The following EML5 variants were observed in gnomAD, a reference collection of about 807,000 sequenced individuals.
The protein encoded by EML5 is echinoderm microtubule-associated protein-like 5.
Under a neutral mutation model 250.0 loss-of-function variants are expected in EML5, and 120 were observed. That is an observed-to-expected ratio of 0.48 (90% CI 0.41 to 0.56). EML5 has a LOEUF of 0.56. Ranked by LOEUF, EML5 falls within the 20% of genes least tolerant of loss-of-function variation. EML5 has a pLI of 0.00. For missense variants in EML5, 2,006 were observed against 2,437.6 expected, an observed-to-expected ratio of 0.82 and a Z score of 3.73; for synonymous variants, 771 against 806.5, an observed-to-expected ratio of 0.96 and a Z score of 0.75.
Position 88,616,778 on chromosome 14 carries a change from C to G in EML5, c.5744G>C (p.Gly1915Ala). 1 of 1,613,918 alleles carries G rather than the reference C, an allele frequency of 6.2e-7. No individual in the cohort carries two copies. The highest frequency in any genetic ancestry group is 8.5e-7 in the Non-Finnish European group (1 of 1,179,856). ...TAACTTAACCATGCCAAAGTCATCT[C>G]CTGTAACAAGACTGATTCCTGAATG... ...VSHSGISLVTGDDFGMVKLFD... is the reference protein window; with the variant it reads ...VSHSGISLVTADDFGMVKLFD... Residue 1915 changes from glycine to alanine, a missense_variant, in exon 42 of 44, where the codon GGA (glycine) becomes GCA (alanine). Coordinates refer to ENST00000554922, the MANE Select transcript of EML5 (RefSeq NM_183387.3).
chr14:88,743,009 G>GT lies in EML5; in HGVS notation c.525+1013dup, dbSNP rs538873569. Among the ~76,000 whole-genome samples, 22 of 152,176 alleles carry GT rather than the reference G, an allele frequency of 1.4e-4. No individual in the cohort carries two copies. In the East Asian group the frequency reaches 2.7e-3, roughly 19 times the overall value. ...TCCAATTTGTTCCAATGATTTAAAA[G>GT]TAACTATAAACATAATAATGAATAT... On this transcript the variant is annotated intron_variant, in intron 4 of 43. Coordinates refer to ENST00000554922, the MANE Select transcript of EML5 (RefSeq NM_183387.3).
chr14:88,691,365 T>C (rs578211651), intron 17 of EML5, among the ~76,000 whole-genome samples: 1 of 152,308 alleles, frequency 6.6e-6, no homozygotes, highest in East Asian at 1.9e-4. Flanking sequence ...ATAATACCCT[T>C]GATTTTGTCC....
intron 14 of EML5, among the ~76,000 whole-genome samples, chr14:88,697,927 G>A (rs915235927): frequency 6.6e-6 from 1 of 151,988 alleles, no homozygotes; most frequent in African/African-American, 2.4e-5. Context: ...AGTAGACACA[G>A]GGTTTCTCCA....
At chr14:88,642,484 T>G (rs1311899679) in intron 31 of EML5, among the ~76,000 whole-genome samples, 2 of 152,096 alleles carry the variant, frequency 1.3e-5, no homozygotes, top group Admixed American at 1.3e-4. Flanking sequence ...TAAGAACACT[T>G]CCAGCCCCAG....
chr14:88,645,120 G>C (rs948027252), intron 29 of EML5, among the ~76,000 whole-genome samples: 2 of 151,990 alleles, frequency 1.3e-5, no homozygotes, highest in African/African-American at 4.8e-5. Flanking sequence ...CCACCTCCCG[G>C]GTTCAAGCAA....
At chr14:88,783,976 A>G (rs1227208857) in intron 1 of EML5, among the ~76,000 whole-genome samples, 1 of 152,236 alleles carries the variant, frequency 6.6e-6, no homozygotes, top group African/African-American at 2.4e-5. Context: ...TCTGACCACA[A>G]TGGAATAAAA....
At position 88,763,018 on chromosome 14, in the gene EML5, G is replaced by A. The variant is rs147608317; in HGVS notation, c.198-8347C>T. On this transcript the variant is annotated intron_variant, in intron 1 of 43. Coordinates refer to ENST00000554922, the MANE Select transcript of EML5 (RefSeq NM_183387.3). The stretch of plus-strand genomic sequence containing the variant: ...GGACACAGCTAAAGAAGTGTTTAGA[G>A]AGAAATTTATAGCACTAAATGCCCA... Among the ~76,000 whole-genome samples, 777 of 152,244 alleles carry A rather than the reference G, an allele frequency of 5.1e-3. 6 individuals are homozygous for A. The highest frequency in any genetic ancestry group is 0.018 in the African/African-American group (748 of 41,538).
intron 15 of EML5, among the ~76,000 whole-genome samples, chr14:88,696,331 T>C (rs1208716657): frequency 6.6e-6 from 1 of 152,122 alleles, no homozygotes. Flanking sequence ...CGTAGATCTA[T>C]CTGTAGTGGT....
intron 8 of EML5, among the ~76,000 whole-genome samples, chr14:88,715,980 T>C (rs956697727): frequency 3.9e-5 from 6 of 152,100 alleles, no homozygotes; most frequent in African/African-American, 1.2e-4. Context: ...AAATATGTAG[T>C]AAAACACCAC....
chr14:88,747,119 C>T (rs1418203248), intron 2 of EML5, among the ~76,000 whole-genome samples: 1 of 145,698 alleles, frequency 6.9e-6, no homozygotes, highest in Non-Finnish European at 1.5e-5. Flanking sequence ...AACAAACAAA[C>T]AAAAAAAAAA....
intron 8 of EML5, among the ~76,000 whole-genome samples, chr14:88,723,185 G>T (rs905211821): frequency 5.3e-5 from 8 of 152,218 alleles, no homozygotes; most frequent in Non-Finnish European, 1.2e-4. Flanking sequence ...AGCTGAGGCA[G>T]GAGGATTGCT....
rs1293359763 is a variant in EML5 at position 88,642,341 on chromosome 14, C to T, written c.4237+552G>A. 2.0e-5 allele frequency among the ~76,000 whole-genome samples: 3 copies of T among 152,154 alleles called. No individual in the cohort carries two copies. The South Asian group carries it at 6.2e-4, about 32-fold the overall frequency. On this transcript the variant is annotated intron_variant, in intron 31 of 43. Coordinates refer to ENST00000554922, the MANE Select transcript of EML5 (RefSeq NM_183387.3). ...CATTATTTGCTCTTGAATAATCCAA[C>T]TGAATAACCCAATCAGTTAAATGAA...
intron 2 of EML5, among the ~76,000 whole-genome samples, chr14:88,752,669 A>T (rs1345228852): frequency 2.0e-5 from 3 of 152,194 alleles, no homozygotes; most frequent in African/African-American, 7.2e-5. Flanking sequence ...TTCCACCCTC[A>T]AGCCTGGACC....
intron 14 of EML5, among the ~76,000 whole-genome samples, chr14:88,701,809 A>G (rs2093216228): frequency 6.6e-6 from 1 of 152,174 alleles, no homozygotes; most frequent in South Asian, 2.1e-4. Context: ...AAACCTCATC[A>G]TTTGTAGACT....
At chr14:88,626,558 A>C (rs558659003) in intron 35 of EML5, 1 of 369,012 alleles carries the variant, frequency 2.7e-6, no homozygotes, top group East Asian at 5.4e-5. Context: ...TGGAGGCTAC[A>C]GTGAGCTATA....
chr14:88,714,915 C>T, intron 9 of EML5, 24 bp downstream of exon 9: 1 of 1,604,498 alleles, frequency 6.2e-7, no homozygotes, highest in Non-Finnish European at 8.5e-7. Flanking sequence ...TACTACAAAT[C>T]TATAATTTGC....
intron 3 of EML5, among the ~76,000 whole-genome samples, chr14:88,745,503 C>T (rs1434333252): frequency 6.6e-6 from 1 of 152,050 alleles, no homozygotes; most frequent in Non-Finnish European, 1.5e-5. Flanking sequence ...AACAAGTCAT[C>T]AGTTAAAAAT....
At chr14:88,759,682 T>C (rs2094208846) in intron 1 of EML5, among the ~76,000 whole-genome samples, 1 of 33,598 alleles carries the variant, frequency 3.0e-5, no homozygotes, top group South Asian at 1.4e-3. Context: ...AGTCACCATC[T>C]CTTAAAAAAA....
At chr14:88,634,392 T>C (rs2090607698) in intron 33 of EML5, 77 bp downstream of exon 33, 2 of 948,446 alleles carry the variant, frequency 2.1e-6, no homozygotes, top group South Asian at 3.7e-5. Flanking sequence ...CGGACTAATA[T>C]ACTTGAACTT....
Sources: allele counts gnomAD v4.1 joint callset (sites outside exome capture counted in the v4.1 genomes callset), GRCh38; gene constraint gnomAD v4.1.1; transcripts MANE v1.5; gene names NCBI Gene and HGNC (gene_info 2026-07-23, HGNC 2026-07-21).